TENM4: variants seen among roughly 807,000 people sequenced by gnomAD.
The protein encoded by TENM4 is teneurin transmembrane protein 4.
In TENM4, 82 loss-of-function variants were observed where a neutral mutation model predicts 243.3. That is an observed-to-expected ratio of 0.34 (90% CI 0.28 to 0.40). The LOEUF (loss-of-function observed/expected upper bound fraction) is 0.40, where lower values mean the gene tolerates loss of function less well. TENM4 is among the 10% of genes least tolerant of loss of function. The pLI, the probability that TENM4 is intolerant of heterozygous loss-of-function variation, is 1.00. For missense variants in TENM4, 3,138 were observed against 3,673.3 expected (o/e 0.85, Z 3.77); for synonymous variants, 1,412 against 1,456.3 (o/e 0.97, Z 0.69).
chr11:79,035,824 T>C (rs1371660798), intron 6 of TENM4, among the ~76,000 whole-genome samples: 3 of 152,194 alleles, frequency 2.0e-5, no homozygotes, highest in Non-Finnish European at 2.9e-5. Context: ...TGAACACAAA[T>C]ATAAATCCTC....
intron 6 of TENM4, among the ~76,000 whole-genome samples, chr11:78,949,679 G>T (rs1591155737): frequency 6.6e-6 from 1 of 152,192 alleles, no homozygotes; most frequent in East Asian, 1.9e-4. Flanking sequence ...CAAGAAGTAG[G>T]GAAAGGGTGA....
intron 4 of TENM4, among the ~76,000 whole-genome samples, chr11:79,126,889 G>T (rs1861889911): frequency 6.6e-6 from 1 of 152,174 alleles, no homozygotes; most frequent in Non-Finnish European, 1.5e-5. Flanking sequence ...CTGGAGAAAG[G>T]GAAATGATCA....
intron 18 of TENM4, among the ~76,000 whole-genome samples, chr11:78,759,437 A>G (rs148647579): frequency 6.6e-6 from 1 of 152,356 alleles, no homozygotes; most frequent in East Asian, 1.9e-4. Flanking sequence ...TAAATCAGCT[A>G]GCACAATTGA....
At chr11:79,138,331 T>TATATATAAA in intron 4 of TENM4, among the ~76,000 whole-genome samples, 1 of 76,134 alleles carries the variant, frequency 1.3e-5, no homozygotes, top group African/African-American at 6.4e-5. Flanking sequence ...ATATATATAT[T>TATATATAAA]ATATATATAA....
At chr11:79,066,669 T>C (rs1312683414) in intron 5 of TENM4, among the ~76,000 whole-genome samples, 5 of 147,938 alleles carry the variant, frequency 3.4e-5, no homozygotes, top group South Asian at 2.2e-4. Flanking sequence ...AACATGCACA[T>C]GCACACACAC....
chr11:79,079,325 G>T (rs1860607499), intron 4 of TENM4, among the ~76,000 whole-genome samples: 1 of 152,224 alleles, frequency 6.6e-6, no homozygotes, highest in African/African-American at 2.4e-5. Context: ...CTCTGATCCT[G>T]AGCTGCGGAG....
chr11:79,008,298 C>G (rs1320317377), intron 6 of TENM4, among the ~76,000 whole-genome samples: 1 of 152,218 alleles, frequency 6.6e-6, no homozygotes. Context: ...GCTTCCTTAG[C>G]AGGCGGTCCC....
chr11:78,798,849 C>G (rs1857221676), intron 15 of TENM4, among the ~76,000 whole-genome samples: 1 of 152,122 alleles, frequency 6.6e-6, no homozygotes, highest in Non-Finnish European at 1.5e-5. Flanking sequence ...CCTCTCCCAT[C>G]CCATTACTGG....
At chr11:78,713,025 A>C (rs1355312947) in intron 25 of TENM4, among the ~76,000 whole-genome samples, 1 of 152,216 alleles carries the variant, frequency 6.6e-6, no homozygotes, top group African/African-American at 2.4e-5. Context: ...ATCAGGTGCT[A>C]AATACACGTT....
chr11:78,869,558 C>G (rs1046348048), intron 9 of TENM4, among the ~76,000 whole-genome samples: 1 of 152,030 alleles, frequency 6.6e-6, no homozygotes, highest in Non-Finnish European at 1.5e-5. Flanking sequence ...GCCTTGTGTC[C>G]GACCCCAGAC....
intron 12 of TENM4, among the ~76,000 whole-genome samples, chr11:78,840,765 G>C (rs1565401660): frequency 6.6e-6 from 1 of 152,192 alleles, no homozygotes; most frequent in African/African-American, 2.4e-5. Flanking sequence ...GGGGTACTAA[G>C]GAACTGGGTA....
At position 79,340,854 on chromosome 11, in the gene TENM4, AT is replaced by A. The variant is rs574729854; in HGVS notation, c.-320-43312del. ...TGAGCCTCCCCACCAACAAAAAAAA[AT>A]ACTTATGTCCTAATCCCCAGAGTCT... is the stretch of plus-strand genomic sequence containing the variant. On this transcript the variant is annotated intron_variant, in intron 1 of 33. Coordinates refer to ENST00000278550, the MANE Select transcript of TENM4 (RefSeq NM_001098816.3). 9.8e-5 allele frequency among the ~76,000 whole-genome samples: 15 copies of A among 152,288 alleles called. No homozygotes were observed. In the East Asian group the frequency reaches 2.9e-3, roughly 29 times the overall value.
At chr11:79,092,598 C>G (rs1860985161) in intron 4 of TENM4, among the ~76,000 whole-genome samples, 2 of 152,332 alleles carry the variant, frequency 1.3e-5, no homozygotes, top group South Asian at 2.1e-4. Context: ...GGAAAGGGTT[C>G]ATGCTGCTTA....
In TENM4 at chr11:79,383,895, C is replaced by T. The variant is rs546472920; in HGVS notation, c.-321+56614G>A. The stretch of plus-strand genomic sequence containing the variant: ...ACCACGGCACAGAAATGAATGTTCA[C>T]ATAAGGCACGTCCCTGCCCTTCAGC... On this transcript the variant is annotated intron_variant, in intron 1 of 33. Transcript: ENST00000278550. Among the ~76,000 whole-genome samples the T allele has an allele frequency of 7.2e-5, 11 of 152,326 alleles. No individual in the cohort carries two copies. In the East Asian group the frequency reaches 1.4e-3, roughly 19 times the overall value.
chr11:79,193,252 C>A (rs75858202), intron 3 of TENM4: 2 of 152,178 alleles, frequency 1.3e-5, no homozygotes, highest in African/African-American at 2.4e-5. Flanking sequence ...GGGCCTCAGA[C>A]GGCTATGACC....
chr11:79,025,735 C>T (rs116635330), intron 6 of TENM4, among the ~76,000 whole-genome samples: 238 of 152,266 alleles, frequency 1.6e-3, no homozygotes, highest in African/African-American at 5.5e-3. Flanking sequence ...ATCAACATTC[C>T]TGAAGCTTGG....
chr11:78,903,148 AC>A, intron 7 of TENM4, 119 bp downstream of exon 7: 1 of 1,355,490 alleles, frequency 7.4e-7, no homozygotes, highest in Non-Finnish European at 9.6e-7. Context: ...CGTGCACCCA[AC>A]CCCAGCTCCT....
At chr11:79,152,505 T>G (rs1591318141) in intron 3 of TENM4, among the ~76,000 whole-genome samples, 1 of 152,198 alleles carries the variant, frequency 6.6e-6, no homozygotes, top group Non-Finnish European at 1.5e-5. Context: ...AGAAACTTCA[T>G]CTAGATATAT....
intron 7 of TENM4, among the ~76,000 whole-genome samples, chr11:78,903,022 G>T (rs933536884): frequency 6.6e-6 from 1 of 152,284 alleles, no homozygotes; most frequent in African/African-American, 2.4e-5. Context: ...TGGTGCGGGG[G>T]GTGTCTAGCA....
Sources: allele counts gnomAD v4.1 joint callset (sites outside exome capture counted in the v4.1 genomes callset), GRCh38; gene constraint gnomAD v4.1.1; transcripts MANE v1.5; gene names NCBI Gene and HGNC (gene_info 2026-07-23, HGNC 2026-07-21).